The following C10orf67 variants were observed in gnomAD, a reference collection of about 807,000 sequenced individuals.
The protein encoded by C10orf67 is chromosome 10 open reading frame 67, also known as uncharacterized protein C10orf67, mitochondrial.
Under a neutral mutation model 35.6 loss-of-function variants are expected in C10orf67, and 60 were observed. The ratio of observed to expected loss-of-function variants is 1.68; its 90% CI spans 1.37 to 2.09. The LOEUF (loss-of-function observed/expected upper bound fraction) is 2.09. C10orf67 is among the 30% of genes most tolerant of loss of function. C10orf67 has a pLI of 0.00. For synonymous variants in C10orf67, 167 were observed against 115.8 expected, an observed-to-expected ratio of 1.44 and a Z score of -2.84; for missense variants, 474 against 330.2, an observed-to-expected ratio of 1.44 and a Z score of -3.38.
At chr10:23,285,935 A>G (rs1176573222) in intron 7 of C10orf67, among the ~76,000 whole-genome samples, 1 of 152,250 alleles carries the variant, frequency 6.6e-6, no homozygotes, top group Non-Finnish European at 1.5e-5. Flanking sequence ...CTTAACTGAT[A>G]TATTTAAACT....
At chr10:23,249,666 T>C (rs140523688) in intron 12 of C10orf67, among the ~76,000 whole-genome samples, 536 of 152,340 alleles carry the variant, frequency 3.5e-3, no homozygotes, top group South Asian at 9.7e-3. Flanking sequence ...GTTTAAGAAA[T>C]ACAGTGCAAA....
At chr10:23,228,189 A>G (rs1233368328) in intron 13 of C10orf67, among the ~76,000 whole-genome samples, 1 of 152,202 alleles carries the variant, frequency 6.6e-6, no homozygotes, top group Non-Finnish European at 1.5e-5. Flanking sequence ...ACTTCAAACT[A>G]TACTACAAGG....
At chr10:23,283,198 T>C (rs1425381857) in intron 7 of C10orf67, among the ~76,000 whole-genome samples, 1 of 152,214 alleles carries the variant, frequency 6.6e-6, no homozygotes, top group Non-Finnish European at 1.5e-5. Context: ...ACCTACTAGG[T>C]ACCCACAAAA....
chr10:23,312,286 G>A (rs754165414), intron 4 of C10orf67, among the ~76,000 whole-genome samples: 2 of 152,058 alleles, frequency 1.3e-5, no homozygotes, highest in African/African-American at 2.4e-5. Context: ...TACTCAAATG[G>A]TTACAATTCA....
At chr10:23,215,299 T>A (rs906026272) in intron 15 of C10orf67, among the ~76,000 whole-genome samples, 1 of 146,946 alleles carries the variant, frequency 6.8e-6, no homozygotes, top group African/African-American at 2.5e-5. Flanking sequence ...AGAGATATCT[T>A]TTTTTTTTTT....
chr10:23,332,233 T>C (rs1418270029), intron 2 of C10orf67, among the ~76,000 whole-genome samples: 5 of 152,324 alleles, frequency 3.3e-5, no homozygotes, highest in Admixed American at 2.0e-4. Context: ...GGAAACTCTA[T>C]GTGTCAATAT....
intron 8 of C10orf67, among the ~76,000 whole-genome samples, chr10:23,272,559 T>G (rs984527835): frequency 2.6e-5 from 4 of 152,370 alleles, no homozygotes; most frequent in Admixed American, 6.5e-5. Context: ...ATGTTTATCC[T>G]TATGCCAAGA....
chr10:23,313,864 T>A (rs1844590015), intron 4 of C10orf67, among the ~76,000 whole-genome samples: 1 of 151,834 alleles, frequency 6.6e-6, no homozygotes, highest in African/African-American at 2.4e-5. Flanking sequence ...CAGGGCAGGA[T>A]ATGGTCAGAC....
At chr10:23,294,116 G>A (rs1169385814) in intron 5 of C10orf67, among the ~76,000 whole-genome samples, 1 of 152,172 alleles carries the variant, frequency 6.6e-6, no homozygotes, top group Admixed American at 6.5e-5. Flanking sequence ...CATGCCTCAT[G>A]ACAGTCACAG....
rs535364552 is a variant in C10orf67, at chr10:23,302,225, TATG to T, written c.702+1076_702+1078del. Among the ~76,000 whole-genome samples, 93 of 151,298 alleles carry T rather than the reference TATG, an allele frequency of 6.1e-4. 1 individual carries two copies. The South Asian group carries it at 0.014, about 23-fold the overall frequency. ...TATAATATATCATATTATAATATAT[TATG>T]ATAACATAATCTATACATTATAATC... On this transcript the variant is annotated intron_variant, in intron 5 of 15. Coordinates refer to ENST00000636213, the MANE Select transcript of C10orf67 (RefSeq NM_001371909.1).
At chr10:23,258,542 C>G (rs1335063384) in intron 10 of C10orf67, 1 of 169,902 alleles carries the variant, frequency 5.9e-6, no homozygotes, top group East Asian at 1.4e-4. Context: ...CAGACTTTGA[C>G]GACTAGCACC....
At chr10:23,279,115 A>C (rs1843286207) in intron 8 of C10orf67, among the ~76,000 whole-genome samples, 1 of 152,210 alleles carries the variant, frequency 6.6e-6, no homozygotes, top group Non-Finnish European at 1.5e-5. Flanking sequence ...TTTAAAAATT[A>C]GATTGTGAAG....
intron 5 of C10orf67, 100 bp downstream of exon 5, chr10:23,303,204 G>A (rs532435801): frequency 9.7e-6 from 4 of 411,836 alleles, no homozygotes; most frequent in African/African-American, 4.1e-5. Context: ...TGCCCAAAAT[G>A]CAGCAATTGG....
intron 15 of C10orf67, among the ~76,000 whole-genome samples, chr10:23,216,302 G>T (rs1350050013): frequency 6.6e-6 from 1 of 152,006 alleles, no homozygotes; most frequent in Non-Finnish European, 1.5e-5. Flanking sequence ...TTCAAAAAAA[G>T]AATAAAATGC....
chr10:23,260,233 T>C (rs1842711163), intron 10 of C10orf67, among the ~76,000 whole-genome samples: 2 of 152,142 alleles, frequency 1.3e-5, no homozygotes, highest in Non-Finnish European at 2.9e-5. Context: ...GAGGGTGTAG[T>C]CATATCTTCA....
At chr10:23,213,453 C>T (rs1248913283) in intron 15 of C10orf67, among the ~76,000 whole-genome samples, 1 of 152,072 alleles carries the variant, frequency 6.6e-6, no homozygotes, top group East Asian at 1.9e-4. Context: ...GGAAAATTGA[C>T]ACCAGACTTC....
chr10:23,239,809 C>T lies in C10orf67; in HGVS notation c.1354G>A (p.Val452Ile). ...RFFILRNSFHVLKNEMFTRHT... is the reference protein window; with the variant it reads ...RFFILRNSFHILKNEMFTRHT... ...CTTGTAAACATCTCATTCTTAAGGA[C>T]ATGAAAGCTGAAATTTTAAAAATGA... Residue 452 changes from valine to isoleucine, a missense_variant, in exon 13 of 16, where the codon GTC (valine) becomes ATC (isoleucine). Transcript: ENST00000636213. 1 of 612,194 alleles carries T rather than the reference C, an allele frequency of 1.6e-6. No individual in the cohort carries two copies. Among genetic ancestry groups the T allele is most frequent in the African/African-American group, 1.8e-5 (1 of 56,248 alleles). The allele number at this position is 612,194 out of a possible 1,614,324, so 37.9% of individuals were successfully genotyped here. A position where few individuals can be genotyped will look rare whatever the true frequency, so the allele number is the denominator to read the frequency against.
chr10:23,211,409 C>T (rs1415585886), intron 15 of C10orf67, among the ~76,000 whole-genome samples: 1 of 150,976 alleles, frequency 6.6e-6, no homozygotes, highest in African/African-American at 2.4e-5. Flanking sequence ...AATAAGATTA[C>T]ATTCATAGGA....
At chr10:23,217,450 C>T (rs1195268959) in intron 15 of C10orf67, among the ~76,000 whole-genome samples, 2 of 152,110 alleles carry the variant, frequency 1.3e-5, no homozygotes, top group African/African-American at 4.8e-5. Context: ...CAGACTCATT[C>T]CTAAATTAAA....
Sources: gnomAD v4.1 joint callset for allele counts (sites outside exome capture counted in the v4.1 genomes callset) on GRCh38, gnomAD v4.1.1 for gene constraint, MANE v1.5 for transcripts, NCBI Gene and HGNC (gene_info 2026-07-23, HGNC 2026-07-21) for gene names.